The following CDC42SE1 variants were observed in gnomAD, a reference collection of about 807,000 sequenced individuals.
CDC42SE1 encodes CDC42 small effector protein 1.
CDC42SE1 carries 10 observed loss-of-function variants against 10.9 expected under a neutral mutation model. The ratio of observed to expected loss-of-function variants is 0.92; its 90% CI spans 0.57 to 1.56. The LOEUF (loss-of-function observed/expected upper bound fraction) is 1.56, where lower values mean the gene tolerates loss of function less well. Among genes scored for constraint, CDC42SE1 ranks in the 40% most tolerant of loss-of-function variants. The pLI, the probability that CDC42SE1 is intolerant of heterozygous loss-of-function variation, is 0.00. For missense variants in CDC42SE1, 81 were observed against 100.8 expected (o/e 0.80, Z 0.84); for synonymous variants, 24 against 32.0 (o/e 0.75, Z 0.85).
chr1:151,058,080 G>C (rs976344595), intron 1 of CDC42SE1: 4 of 152,468 alleles, frequency 2.6e-5, no homozygotes, highest in African/African-American at 9.7e-5. Context: ...TCTGCTCAAA[G>C]CTGAGGGACA....
At chr1:151,055,179 C>T (rs370211814) in intron 2 of CDC42SE1, 53 bp from the exon 3 acceptor site, 76 of 1,322,266 alleles carry the variant, frequency 5.7e-5, no homozygotes, top group African/African-American at 1.3e-4. Flanking sequence ...CCAGTCAGCA[C>T]GGAGGAAGGG....
intron 1 of CDC42SE1, chr1:151,059,257 A>T (rs1676352651): frequency 6.6e-6 from 1 of 152,630 alleles, no homozygotes; most frequent in East Asian, 1.9e-4. Context: ...ACCTCCCCCA[A>T]CATTCCAGTT....
rs192403296 is a variant in CDC42SE1, at chr1:151,059,150, C to T, written c.-264+329G>A. 6 of 152,454 alleles carry T rather than the reference C, an allele frequency of 3.9e-5. No individual in the cohort carries two copies. The Middle Eastern group carries it at 0.01, about 259-fold the overall frequency. The allele number at this position is 152,454 out of a possible 1,614,324, so 9.4% of individuals were successfully genotyped here. Reference sequence around the variant, plus strand: ...AATCACACAGATTCCGTATCTGTCTCCCCCCACTACACAACTCTACCTAGA... The same window carrying T: ...AATCACACAGATTCCGTATCTGTCTTCCCCCACTACACAACTCTACCTAGA... On this transcript the variant is annotated intron_variant, in intron 1 of 4. Coordinates refer to ENST00000357235, the MANE Select transcript of CDC42SE1 (RefSeq NM_020239.4).
intron 1 of CDC42SE1, chr1:151,058,118 A>T (rs1215081729): frequency 6.6e-6 from 1 of 152,630 alleles, no homozygotes; most frequent in Non-Finnish European, 1.5e-5. Flanking sequence ...GAGGGAAGAG[A>T]AGAGAGGGGG....
In CDC42SE1 at chr1:151,054,357, C is replaced by T. The variant is rs759080776; in HGVS notation, c.166-36G>A. 7.4e-6 allele frequency: 11 copies of T among 1,495,942 alleles called. No individual in the cohort carries two copies. In the South Asian group the frequency reaches 1.0e-4, roughly 14 times the overall value. The allele number at this position is 1,495,942 out of a possible 1,614,324, so 92.7% of individuals were successfully genotyped here. On this transcript the variant is annotated intron_variant, in intron 3 of 4. Coordinates refer to ENST00000357235, the MANE Select transcript of CDC42SE1 (RefSeq NM_020239.4). ...ACAGATGCGAGACACCTTCGTAAGT[C>T]TTCATATCCTACAGTAAGAACTCTA...
At chr1:151,053,730 C>T (rs1353833038) in intron 4 of CDC42SE1, among the ~76,000 whole-genome samples, 1 of 151,824 alleles carries the variant, frequency 6.6e-6, no homozygotes, top group Non-Finnish European at 1.5e-5. Flanking sequence ...CATCTGCTGA[C>T]CTCGGCCTCC....
rs988688289 is a variant in CDC42SE1, at chr1:151,052,704, T to C, written c.*640A>G. 1 of 152,374 alleles carries C rather than the reference T, an allele frequency of 6.6e-6. No homozygotes were observed. The highest frequency in any genetic ancestry group is 1.5e-5 in the Non-Finnish European group (1 of 68,044). The allele number at this position is 152,374 out of a possible 1,614,324, so 9.4% of individuals were successfully genotyped here. A position where few individuals can be genotyped will look rare whatever the true frequency, so the allele number is the denominator to read the frequency against. Reference sequence around the variant, plus strand: ...TTTTTAATATTTTAAAAAAGGAAAGTTGCTGGGAAGCTGGTAAACAGAAAC... The same window carrying C: ...TTTTTAATATTTTAAAAAAGGAAAGCTGCTGGGAAGCTGGTAAACAGAAAC... On this transcript the variant is annotated 3_prime_UTR_variant, in exon 5 of 5. Transcript: ENST00000357235.
At chr1:151,058,376 G>A (rs1480581012) in intron 1 of CDC42SE1, 5 of 152,604 alleles carry the variant, frequency 3.3e-5, no homozygotes, top group Admixed American at 6.6e-5. Context: ...CAGGGCAGTG[G>A]GGGATGGGAA....
intron 1 of CDC42SE1, 58 bp from the exon 2 acceptor site, chr1:151,056,051 C>T (rs1571852482): frequency 2.5e-6 from 1 of 395,536 alleles, no homozygotes; most frequent in East Asian, 5.3e-5. Context: ...TCCCCCAATC[C>T]TTGAGAAACC....
At position 151,057,555 on chromosome 1, in the gene CDC42SE1, A is replaced by G. The variant is rs1044965649; in HGVS notation, c.-263-1562T>C. 5.3e-5 allele frequency among the ~76,000 whole-genome samples: 8 copies of G among 151,710 alleles called. No homozygotes were observed. Among genetic ancestry groups the G allele is most frequent in the African/African-American group, 1.9e-4 (8 of 41,284 alleles). Reference sequence around the variant, plus strand: ...AAAAAACGAGATAGCAGGGTGTGGTAGCATGTGCCTGTCATCCCAGCTACT... The same window carrying G: ...AAAAAACGAGATAGCAGGGTGTGGTGGCATGTGCCTGTCATCCCAGCTACT... On this transcript the variant is annotated intron_variant, in intron 1 of 4. Transcript: ENST00000357235. The surrounding 1 kb of genome is among the most constrained non-coding windows in gnomAD (Gnocchi z 4.0).
chr1:151,053,601 C>T (rs1266506366), intron 4 of CDC42SE1, among the ~76,000 whole-genome samples: 3 of 152,084 alleles, frequency 2.0e-5, no homozygotes, highest in African/African-American at 7.2e-5. Context: ...TCGGCCTCAG[C>T]CGCCTGAGTA....
At chr1:151,054,556 T>C (rs1676244516) in intron 3 of CDC42SE1, among the ~76,000 whole-genome samples, 1 of 152,186 alleles carries the variant, frequency 6.6e-6, no homozygotes, top group African/African-American at 2.4e-5. Context: ...TTCTCCCCTA[T>C]ATATCTGAGT....
At chr1:151,054,034 T>C (rs1461884703) in intron 4 of CDC42SE1, among the ~76,000 whole-genome samples, 197 bp downstream of exon 4, 1 of 151,838 alleles carries the variant, frequency 6.6e-6, no homozygotes, top group Non-Finnish European at 1.5e-5. Flanking sequence ...TTTTGCCTCG[T>C]TGGCCAGGCT....
At position 151,051,462 on chromosome 1, in the gene CDC42SE1, G is replaced by C. The variant is rs587627269; in HGVS notation, c.*1882C>G. 2.9e-5 allele frequency: 4 copies of C among 135,628 alleles called. No homozygotes were observed. The highest frequency in any genetic ancestry group is 4.6e-5 in the Non-Finnish European group (3 of 64,520). 8.4% of individuals were successfully genotyped at this position (135,628 alleles called of 1,614,324 possible). A position where few individuals can be genotyped will look rare whatever the true frequency, so the allele number is the denominator to read the frequency against. On this transcript the variant is annotated 3_prime_UTR_variant, in exon 5 of 5. Coordinates refer to ENST00000357235, the MANE Select transcript of CDC42SE1 (RefSeq NM_020239.4). ...TCTGTAGGGATAAGCAAACTGAATG[G>C]GTGGTGGAATTGGCAGAATGGATAC...
At chr1:151,055,269 G>T in intron 2 of CDC42SE1, 143 bp from the exon 3 acceptor site, 1 of 641,926 alleles carries the variant, frequency 1.6e-6, no homozygotes. Flanking sequence ...GAAATCACTA[G>T]GGCATGAAAG....
chr1:151,056,235 G>A (rs1676275377), intron 1 of CDC42SE1, among the ~76,000 whole-genome samples: 1 of 152,170 alleles, frequency 6.6e-6, no homozygotes, highest in African/African-American at 2.4e-5. Context: ...GAGGAAGGGG[G>A]CTAGAAGCAC....
At position 151,057,039 on chromosome 1, in the gene CDC42SE1, T is replaced by C. The variant is rs16832965; in HGVS notation, c.-263-1046A>G. Among the ~76,000 whole-genome samples, 1,647 of 152,328 alleles carry C rather than the reference T, an allele frequency of 0.011. 43 individuals carry two copies. The highest frequency in any genetic ancestry group is 0.038 in the African/African-American group (1,572 of 41,570). On this transcript the variant is annotated intron_variant, in intron 1 of 4. Coordinates refer to ENST00000357235, the MANE Select transcript of CDC42SE1 (RefSeq NM_020239.4). This position sits in a 1 kb window ranked among gnomAD's most constrained non-coding sequence, Gnocchi z 4.0. Reference sequence around the variant, plus strand: ...GAAGAACTTCCTCCCTTCTCACTACTGCCAGCCAGGGTAGGACACATCTGG... The same window carrying C: ...GAAGAACTTCCTCCCTTCTCACTACCGCCAGCCAGGGTAGGACACATCTGG...
chr1:151,054,992 A>G (rs766635466), intron 3 of CDC42SE1, 24 bp downstream of exon 3: 6 of 1,537,716 alleles, frequency 3.9e-6, no homozygotes, highest in African/African-American at 1.4e-5. Context: ...CCCCTGTATC[A>G]ACCTCTCCCC....
intron 2 of CDC42SE1, 188 bp downstream of exon 2, chr1:151,055,489 T>A (rs1676261686): frequency 3.1e-6 from 2 of 639,090 alleles, no homozygotes; most frequent in Non-Finnish European, 5.7e-6. Context: ...TAGCTAGGAC[T>A]ATTCACTTCT....
Sources: gnomAD v4.1 joint callset for allele counts (sites outside exome capture counted in the v4.1 genomes callset) on GRCh38, gnomAD v4.1.1 for gene constraint, Gnocchi (gnomAD v3.1) non-coding constraint, MANE v1.5 for transcripts, NCBI Gene and HGNC (gene_info 2026-07-23, HGNC 2026-07-21) for gene names.